The following SCUBE1 variants were observed in gnomAD, a reference collection of about 807,000 sequenced individuals.
SCUBE1 encodes signal peptide, CUB and EGF-like domain-containing protein 1.
In SCUBE1, 59 loss-of-function variants were observed where a neutral mutation model predicts 124.4. The ratio of observed to expected loss-of-function variants is 0.47; its 90% CI spans 0.38 to 0.59. SCUBE1 has a LOEUF of 0.59. SCUBE1 is among the 20% of genes least tolerant of loss of function. The probability of loss-of-function intolerance (pLI) is 0.00; values close to 1 mark genes in which losing one functional copy is unlikely to be tolerated. For missense variants in SCUBE1, 1,150 were observed against 1,371.2 expected (o/e 0.84, Z 2.55); for synonymous variants, 545 against 550.9 (o/e 0.99, Z 0.15).
At chr22:43,260,078 CGT>C (rs1923816696) in intron 5 of SCUBE1, among the ~76,000 whole-genome samples, 1 of 152,172 alleles carries the variant, frequency 6.6e-6, no homozygotes, top group Admixed American at 6.5e-5. Context: ...GGCTGGACGT[CGT>C]GTGTCTTTCT....
intron 12 of SCUBE1, 36 bp downstream of exon 12, chr22:43,222,602 C>G (rs765430312): frequency 6.9e-7 from 1 of 1,454,580 alleles, no homozygotes; most frequent in African/African-American, 1.5e-5. Flanking sequence ...TCAAGTCACC[C>G]AGTGGCATGC....
At chr22:43,305,974 G>A (rs1167503041) in intron 3 of SCUBE1, among the ~76,000 whole-genome samples, 1 of 152,216 alleles carries the variant, frequency 6.6e-6, no homozygotes, top group African/African-American at 2.4e-5. Context: ...ACAGGGAGGG[G>A]TGCCAGGGCA....
rs1358717284 is a variant in SCUBE1, at chr22:43,197,346, GA to G, written c.*6650del. On this transcript the variant is annotated 3_prime_UTR_variant, in exon 22 of 22. Coordinates refer to ENST00000360835, the MANE Select transcript of SCUBE1 (RefSeq NM_173050.5). Reference sequence around the variant, plus strand: ...AATGTTTCATTACATGCATATGGGGGACATGATGGATAAAACAAAACTGAAT... The same window carrying G: ...AATGTTTCATTACATGCATATGGGGGCATGATGGATAAAACAAAACTGAAT... 6.6e-6 allele frequency: 1 copy of G among 152,198 alleles called. No individual in the cohort carries two copies. Among genetic ancestry groups the G allele is most frequent in the African/African-American group, 2.4e-5 (1 of 41,452 alleles). 9.4% of individuals were successfully genotyped at this position (152,198 alleles called of 1,614,324 possible).
At chr22:43,295,654 A>T (rs1487663266) in intron 3 of SCUBE1, among the ~76,000 whole-genome samples, 1 of 152,048 alleles carries the variant, frequency 6.6e-6, no homozygotes, top group Non-Finnish European at 1.5e-5. Context: ...CAGCCCACCC[A>T]TTCACCTCTG....
At chr22:43,225,717 A>C (rs1025189361) in intron 10 of SCUBE1, among the ~76,000 whole-genome samples, 1 of 151,976 alleles carries the variant, frequency 6.6e-6, no homozygotes, top group Non-Finnish European at 1.5e-5. Context: ...TTTCTTTCTG[A>C]GAAACTAAAT....
chr22:43,274,034 C>T (rs1286468418), intron 4 of SCUBE1, among the ~76,000 whole-genome samples: 2 of 152,118 alleles, frequency 1.3e-5, no homozygotes, highest in African/African-American at 4.8e-5. Flanking sequence ...CGTTTCTTCC[C>T]CGTTCCTCTC....
chr22:43,309,513 C>T (rs983289427), intron 3 of SCUBE1, among the ~76,000 whole-genome samples: 2 of 152,192 alleles, frequency 1.3e-5, no homozygotes, highest in African/African-American at 4.8e-5. Flanking sequence ...CTTGTGAAAT[C>T]TTTACGAAAT....
chr22:43,340,752 A>C (rs190261362), intron 1 of SCUBE1, among the ~76,000 whole-genome samples: 26 of 152,316 alleles, frequency 1.7e-4, no homozygotes, highest in African/African-American at 6.0e-4. Flanking sequence ...GCAATGCATG[A>C]AATGTAGACA....
At chr22:43,277,100 T>C (rs1924554899) in intron 4 of SCUBE1, among the ~76,000 whole-genome samples, 1 of 151,394 alleles carries the variant, frequency 6.6e-6, no homozygotes, top group Non-Finnish European at 1.5e-5. Flanking sequence ...CAGGGATGCG[T>C]AGGTTCCACC....
chr22:43,288,346 G>C lies in SCUBE1; in HGVS notation c.484+2700C>G, dbSNP rs77888661. On this transcript the variant is annotated intron_variant, in intron 4 of 21. Coordinates refer to ENST00000360835, the MANE Select transcript of SCUBE1 (RefSeq NM_173050.5). The stretch of plus-strand genomic sequence containing the variant: ...GATGCCAGCCCCTGGAAGTGCTGGC[G>C]TTCTCCCAGATGGCCTCCCCTCTCC... 4.9e-3 allele frequency among the ~76,000 whole-genome samples: 750 copies of C among 152,178 alleles called. 3 individuals carry two copies. The highest frequency in any genetic ancestry group is 0.017 in the African/African-American group (726 of 41,516).
At chr22:43,288,051 A>T (rs924256036) in intron 4 of SCUBE1, among the ~76,000 whole-genome samples, 1 of 152,188 alleles carries the variant, frequency 6.6e-6, no homozygotes, top group Non-Finnish European at 1.5e-5. Flanking sequence ...GAGCAATCTG[A>T]TAAGTTATCT....
chr22:43,242,982 C>A (rs960393963), intron 6 of SCUBE1, among the ~76,000 whole-genome samples: 1 of 152,322 alleles, frequency 6.6e-6, no homozygotes, highest in African/African-American at 2.4e-5. Context: ...ATTTGTGGAA[C>A]CCAGCGCAAA....
Position 43,277,988 on chromosome 22 carries a change from GA to G in SCUBE1, c.484+13057del, listed in dbSNP as rs1361226310. Among the ~76,000 whole-genome samples the G allele has an allele frequency of 2.0e-5, 3 of 152,260 alleles. No individual in the cohort carries two copies. In the East Asian group the frequency reaches 5.8e-4, roughly 29 times the overall value. ...GATTTGAAAGTTCTGCAGCTTAGGG[GA>G]AATTTATACCACTGATGTGAAGTCA... On this transcript the variant is annotated intron_variant, in intron 4 of 21. Transcript: ENST00000360835.
chr22:43,298,594 G>A (rs1223736193), intron 3 of SCUBE1, among the ~76,000 whole-genome samples: 4 of 152,210 alleles, frequency 2.6e-5, no homozygotes, highest in Admixed American at 6.5e-5. Context: ...CAGCCCAGCC[G>A]CTGCCCTGCC....
intron 2 of SCUBE1, among the ~76,000 whole-genome samples, chr22:43,328,526 G>A (rs535801804): frequency 7.4e-4 from 112 of 152,242 alleles, no homozygotes; most frequent in African/African-American, 2.6e-3. Context: ...AACCTGGGCC[G>A]GCCCTTAGAA....
chr22:43,291,230 G>T, intron 3 of SCUBE1, 50 bp from the exon 4 acceptor site: 1 of 1,583,780 alleles, frequency 6.3e-7, no homozygotes, highest in South Asian at 1.1e-5. Context: ...TAAGTTGGAA[G>T]CAGGGCATGA....
In SCUBE1 at chr22:43,262,215, C is replaced by T. The variant is rs138190699; in HGVS notation, c.610+505G>A. ...CTTGCTGTATTGTCCAAGCTGGACTCAAAGTCGGGCTAGAGTGATCCTCTG... is the reference window on the plus strand; with the variant it reads ...CTTGCTGTATTGTCCAAGCTGGACTTAAAGTCGGGCTAGAGTGATCCTCTG... On this transcript the variant is annotated intron_variant, in intron 5 of 21. Transcript: ENST00000360835. 1.5e-4 allele frequency among the ~76,000 whole-genome samples: 23 copies of T among 152,306 alleles called. No individual in the cohort carries two copies. In the East Asian group the frequency reaches 4.2e-3, roughly 28 times the overall value.
intron 4 of SCUBE1, among the ~76,000 whole-genome samples, chr22:43,271,417 G>A (rs139037): frequency 0.4 from 61,431 of 152,094 alleles, 15,546 homozygotes; most frequent in Non-Finnish European, 0.58. Context: ...ACTGGTGAGC[G>A]GCCTGGGATC....
intron 6 of SCUBE1, among the ~76,000 whole-genome samples, chr22:43,246,627 C>T (rs1195292923): frequency 6.6e-6 from 1 of 152,254 alleles, no homozygotes; most frequent in East Asian, 1.9e-4. Context: ...TTATCTGTAA[C>T]ACTAAACCTT....
Sources: gnomAD v4.1 joint callset for allele counts (sites outside exome capture counted in the v4.1 genomes callset) on GRCh38, gnomAD v4.1.1 for gene constraint, MANE v1.5 for transcripts, NCBI Gene and HGNC (gene_info 2026-07-23, HGNC 2026-07-21) for gene names.